The following TRIM61 variants were observed in gnomAD, a reference collection of about 807,000 sequenced individuals.
The protein encoded by TRIM61 is putative tripartite motif-containing protein 61.
A neutral mutation model predicts 14.2 loss-of-function variants in TRIM61; 1 was observed. The observed-to-expected ratio is 0.07, with a 90% CI of 0.03 to 0.33. The LOEUF is 0.33. Among genes scored for constraint, TRIM61 ranks in the 10% least tolerant of loss-of-function variants. TRIM61 has a pLI of 0.99. For synonymous variants in TRIM61, 8 were observed against 71.6 expected, an observed-to-expected ratio of 0.11 and a Z score of 4.49; for missense variants, 19 against 202.2, an observed-to-expected ratio of 0.09 and a Z score of 5.49.
At chr4:164,960,645 T>C (rs1405617265) in intron 3 of TRIM61, among the ~76,000 whole-genome samples, 1 of 152,078 alleles carries the variant, frequency 6.6e-6, no homozygotes, top group African/African-American at 2.4e-5. Context: ...ACTAATATAA[T>C]CTACAAGTAT....
chr4:164,968,517 G>A, intron 3 of TRIM61: 1 of 985,676 alleles, frequency 1.0e-6, no homozygotes, highest in African/African-American at 1.7e-5. Context: ...ACAAAATACA[G>A]AATAGCCAAA....
intron 3 of TRIM61, chr4:164,957,658 C>T: frequency 2.3e-6 from 2 of 870,426 alleles, no homozygotes; most frequent in East Asian, 2.7e-5. Context: ...AGATTAAACT[C>T]TGATTTTGAG....
intron 2 of TRIM61, among the ~76,000 whole-genome samples, chr4:164,971,560 C>T (rs553239629): frequency 6.8e-6 from 1 of 147,974 alleles, no homozygotes; most frequent in South Asian, 2.2e-4. Context: ...CATCGCACTC[C>T]AGCCTGGGTG....
chr4:164,968,910 C>G, intron 3 of TRIM61: 2 of 991,964 alleles, frequency 2.0e-6, no homozygotes, highest in Non-Finnish European at 2.4e-6. Flanking sequence ...TTACAGACAC[C>G]AAGAATCCAT....
intron 3 of TRIM61, among the ~76,000 whole-genome samples, chr4:164,965,130 A>G (rs958175353): frequency 1.3e-5 from 2 of 152,126 alleles, no homozygotes; most frequent in Admixed American, 6.5e-5. Flanking sequence ...TCTACTAAAA[A>G]TACAAAAATT....
In TRIM61 at chr4:164,958,623, A is replaced by C. The variant is rs1732067174; in HGVS notation, c.526-3527T>G. 3.0e-5 allele frequency: 5 copies of C among 167,078 alleles called. No individual in the cohort carries two copies. The Admixed American group carries it at 3.3e-4, about 11-fold the overall frequency. 10.3% of individuals were successfully genotyped at this position (167,078 alleles called of 1,614,324 possible). The stretch of plus-strand genomic sequence containing the variant: ...ACAGTATTAGAAATGCCTACTCTTC[A>C]GAGATGTAATGGGAATAAATTGTAA... On this transcript the variant is annotated intron_variant, in intron 3 of 4. Coordinates refer to ENST00000329314, the MANE Select transcript of TRIM61 (RefSeq NM_001012414.3).
At chr4:164,957,396 G>A (rs1313469661) in intron 3 of TRIM61, 3 of 1,613,796 alleles carry the variant, frequency 1.9e-6, no homozygotes, top group East Asian at 2.2e-5. Flanking sequence ...GGAAAAGTCA[G>A]GAAGAGAACC....
chr4:164,973,708 G>C (rs138134396), intron 2 of TRIM61, among the ~76,000 whole-genome samples: 44 of 152,214 alleles, frequency 2.9e-4, no homozygotes, highest in African/African-American at 8.7e-4. Context: ...CACAGTCCTT[G>C]GCATTTAACC....
chr4:164,969,162 G>C (rs1160835259), intron 3 of TRIM61: 2 of 1,179,886 alleles, frequency 1.7e-6, no homozygotes, highest in East Asian at 1.1e-4. Context: ...GAATATTGTG[G>C]AGGCAGATGG....
chr4:164,957,685 C>A, intron 3 of TRIM61: 1 of 690,972 alleles, frequency 1.4e-6, no homozygotes, highest in Non-Finnish European at 2.3e-6. Flanking sequence ...GTGCTTTATT[C>A]GGAAAATGAA....
At chr4:164,969,376 C>T in intron 3 of TRIM61, 2 of 1,580,392 alleles carry the variant, frequency 1.3e-6, no homozygotes, top group Non-Finnish European at 1.7e-6. Flanking sequence ...AAATATCCAT[C>T]TCTTCATCTT....
chr4:164,957,199 G>A (rs1579140617), intron 3 of TRIM61: 1 of 1,613,762 alleles, frequency 6.2e-7, no homozygotes, highest in Admixed American at 1.7e-5. Flanking sequence ...GTGTCTCTTT[G>A]CTCAGACATC....
At chr4:164,959,597 CT>C (rs1342742411) in intron 3 of TRIM61, among the ~76,000 whole-genome samples, 8 of 152,286 alleles carry the variant, frequency 5.3e-5, no homozygotes, top group African/African-American at 1.9e-4. Context: ...GTTCAGAGTG[CT>C]TGCCCATGAC....
At chr4:164,960,530 G>A (rs1244525328) in intron 3 of TRIM61, among the ~76,000 whole-genome samples, 3 of 150,760 alleles carry the variant, frequency 2.0e-5, no homozygotes, top group Non-Finnish European at 3.0e-5. Flanking sequence ...ACTCCAATCC[G>A]GGCGACAGAG....
intron 3 of TRIM61, among the ~76,000 whole-genome samples, chr4:164,962,141 AAGG>A (rs2111137143): frequency 6.6e-6 from 1 of 152,178 alleles, no homozygotes; most frequent in East Asian, 1.9e-4. Context: ...GGAGGATAAG[AAGG>A]AGGATAAGGA....
intron 3 of TRIM61, among the ~76,000 whole-genome samples, chr4:164,963,604 C>T (rs905777169): frequency 1.2e-4 from 18 of 152,016 alleles, no homozygotes; most frequent in African/African-American, 4.3e-4. Flanking sequence ...ATTAGCTAGG[C>T]GTGGTGGTGT....
At chr4:164,957,406 C>A (rs200503756) in intron 3 of TRIM61, 1 of 1,614,026 alleles carries the variant, frequency 6.2e-7, no homozygotes, top group South Asian at 1.1e-5. Context: ...GGAAGAGAAC[C>A]ACCATCAGGT....
chr4:164,956,168 C>T (rs949320516), intron 3 of TRIM61, among the ~76,000 whole-genome samples: 2 of 152,328 alleles, frequency 1.3e-5, no homozygotes, highest in Middle Eastern at 3.4e-3. Context: ...CAGGTTCAAG[C>T]GATTCTCCCA....
chr4:164,960,449 G>A (rs1387631479), intron 3 of TRIM61, among the ~76,000 whole-genome samples: 1 of 152,006 alleles, frequency 6.6e-6, no homozygotes, highest in Non-Finnish European at 1.5e-5. Flanking sequence ...CAGCTACTTG[G>A]GAAGCTGAGG....
Sources: allele counts gnomAD v4.1 joint callset (sites outside exome capture counted in the v4.1 genomes callset), GRCh38; gene constraint gnomAD v4.1.1; transcripts MANE v1.5; gene names NCBI Gene and HGNC (gene_info 2026-07-23, HGNC 2026-07-21).